The following RASEF variants were observed in gnomAD, a reference collection of about 807,000 sequenced individuals.
RASEF encodes ras and EF-hand domain-containing protein.
RASEF carries 68 observed loss-of-function variants against 90.1 expected under a neutral mutation model. That is an observed-to-expected ratio of 0.75 (90% CI 0.62 to 0.92). The LOEUF is 0.92. RASEF is among the 40% of genes least tolerant of loss of function. The pLI is 0.00. For missense variants in RASEF, 949 were observed against 937.2 expected (o/e 1.01, Z -0.16); for synonymous variants, 331 against 345.2 (o/e 0.96, Z 0.46).
chr9:83,194,659 T>A, the RASEF span, among the ~76,000 whole-genome samples: 3 of 152,228 alleles, frequency 2.0e-5, no homozygotes, highest in Non-Finnish European at 2.9e-5. Context: ...ATATTTGGGA[T>A]TCTTCTGTAG....
At chr9:83,180,924 T>C in the RASEF span, among the ~76,000 whole-genome samples, 28 of 151,650 alleles carry the variant, frequency 1.8e-4, no homozygotes, top group Non-Finnish European at 4.0e-4. Context: ...AAAGTAAGAG[T>C]ATATGTGCAG....
chr9:83,048,215 G>C (rs917499307), intron 1 of RASEF: 4 of 985,204 alleles, frequency 4.1e-6, no homozygotes, highest in Admixed American at 6.2e-5. Context: ...CATCTGACAG[G>C]GACCGGCAGT....
chr9:83,037,238 T>C (rs1829758219), intron 1 of RASEF, among the ~76,000 whole-genome samples: 2 of 152,180 alleles, frequency 1.3e-5, no homozygotes, highest in South Asian at 4.1e-4. Context: ...CTGTGTATAT[T>C]GCCTGCACTA....
the RASEF span, among the ~76,000 whole-genome samples, chr9:83,119,470 G>T: frequency 6.6e-6 from 1 of 152,276 alleles, no homozygotes; most frequent in South Asian, 2.1e-4. Context: ...CTTTACCAAT[G>T]GTTATCCTAC....
chr9:83,136,312 C>G, the RASEF span, among the ~76,000 whole-genome samples: 1 of 152,086 alleles, frequency 6.6e-6, no homozygotes, highest in African/African-American at 2.4e-5. Context: ...CATACCTTTG[C>G]GCAAAGTGAA....
the RASEF span, among the ~76,000 whole-genome samples, chr9:83,103,239 C>T: frequency 6.6e-6 from 1 of 152,174 alleles, no homozygotes; most frequent in Non-Finnish European, 1.5e-5. Context: ...CTGAGAATAT[C>T]ATTTAGCCAC....
At chr9:83,130,468 A>G in the RASEF span, among the ~76,000 whole-genome samples, 27 of 152,214 alleles carry the variant, frequency 1.8e-4, no homozygotes, top group South Asian at 4.8e-3. Flanking sequence ...TTGGTGCTGT[A>G]CATTCTATGG....
chr9:83,125,370 G>A, the RASEF span, among the ~76,000 whole-genome samples: 18 of 152,236 alleles, frequency 1.2e-4, no homozygotes, highest in African/African-American at 4.3e-4. Flanking sequence ...TTAGCCCACT[G>A]ACATGGATTT....
chr9:83,008,164 C>T (rs903440906), intron 6 of RASEF, among the ~76,000 whole-genome samples: 1 of 152,110 alleles, frequency 6.6e-6, no homozygotes, highest in African/African-American at 2.4e-5. Context: ...GCCCCTATTC[C>T]CCTGAGCATA....
At chr9:83,128,106 T>C in the RASEF span, among the ~76,000 whole-genome samples, 1 of 150,180 alleles carries the variant, frequency 6.7e-6, no homozygotes, top group Non-Finnish European at 1.5e-5. Flanking sequence ...TGGGAGGACA[T>C]ACTGCTTGAA....
Position 83,062,911 on chromosome 9 carries a change from G to T in RASEF, c.-44C>A, listed in dbSNP as rs1219308595. On this transcript the variant is annotated 5_prime_UTR_variant, in exon 1 of 17. Transcript: ENST00000376447. ...CCGAGAGGGCTCCGGAGCGCCGCGG[G>T]GCGCAGGGCCCTCCCTGGAAGGACG... 4 of 1,391,156 alleles carry T rather than the reference G, an allele frequency of 2.9e-6. No homozygotes were observed. Among genetic ancestry groups the T allele is most frequent in the Admixed American group, 7.4e-5 (2 of 27,032 alleles). The allele number at this position is 1,391,156 out of a possible 1,614,324, so 86.2% of individuals were successfully genotyped here. A position where few individuals can be genotyped will look rare whatever the true frequency, so the allele number is the denominator to read the frequency against.
At chr9:83,066,413 C>T (rs1023284481), upstream of RASEF, among the ~76,000 whole-genome samples, 1 of 152,120 alleles carries the variant, frequency 6.6e-6, no homozygotes, top group African/African-American at 2.4e-5. Flanking sequence ...TTTGAATAAC[C>T]CCAGCAATAT....
At chr9:83,000,817 A>G in intron 10 of RASEF, 79 bp downstream of exon 10, 2 of 1,259,822 alleles carry the variant, frequency 1.6e-6, no homozygotes, top group East Asian at 2.4e-5. Context: ...ACAGATTTCC[A>G]TGACAGATAG....
intron 1 of RASEF, among the ~76,000 whole-genome samples, chr9:83,040,158 T>G (rs1829812295): frequency 6.6e-6 from 1 of 152,122 alleles, no homozygotes; most frequent in South Asian, 2.1e-4. Flanking sequence ...CCCTTAAACC[T>G]CTTTTTCTTT....
At chr9:83,111,023 A>T in the RASEF span, among the ~76,000 whole-genome samples, 1 of 152,240 alleles carries the variant, frequency 6.6e-6, no homozygotes, top group African/African-American at 2.4e-5. Context: ...AAGCCTGCAG[A>T]TGCTGGAATT....
In RASEF at chr9:82,983,155, A is replaced by ACC. The variant is rs1554704231; in HGVS notation, c.2118-375_2118-374dup. 2.9e-3 allele frequency among the ~76,000 whole-genome samples: 357 copies of ACC among 122,922 alleles called. 2 individuals carry two copies. Among genetic ancestry groups the ACC allele is most frequent in the African/African-American group, 0.01 (334 of 32,750 alleles). 80.6% of individuals were successfully genotyped at this position (122,922 alleles called of 152,430 possible). ...CACACACACACACACACACACACAC[A>ACC]CCCTTCTCCCCTCACTCTCTCCTGA... On this transcript the variant is annotated intron_variant, in intron 16 of 16. Transcript: ENST00000376447.
chr9:83,064,739 C>G (rs996404816), upstream of RASEF, among the ~76,000 whole-genome samples: 2 of 152,138 alleles, frequency 1.3e-5, no homozygotes, highest in African/African-American at 2.4e-5. Flanking sequence ...CTGCTTTGCC[C>G]TTTCCCTAAG....
chr9:82,999,109 A>C (rs1331558829), intron 12 of RASEF, among the ~76,000 whole-genome samples: 1 of 152,142 alleles, frequency 6.6e-6, no homozygotes, highest in African/African-American at 2.4e-5. Flanking sequence ...TGAAGAGGAC[A>C]ATCAGTCTGT....
At chr9:83,031,023 G>T (rs1182578397) in intron 1 of RASEF, among the ~76,000 whole-genome samples, 1 of 152,080 alleles carries the variant, frequency 6.6e-6, no homozygotes, top group Non-Finnish European at 1.5e-5. Flanking sequence ...TTGGATCCCT[G>T]AATCACCACA....
Sources: gnomAD v4.1 joint callset for allele counts (sites outside exome capture counted in the v4.1 genomes callset) on GRCh38, gnomAD v4.1.1 for gene constraint, MANE v1.5 for transcripts, NCBI Gene and HGNC (gene_info 2026-07-23, HGNC 2026-07-21) for gene names.